The following MYT1L variants were observed in gnomAD, a reference collection of about 807,000 sequenced individuals.
MYT1L encodes the protein myelin transcription factor 1-like protein.
Under a neutral mutation model 126.7 loss-of-function variants are expected in MYT1L, and 12 were observed. That is an observed-to-expected ratio of 0.09 (90% confidence interval 0.06 to 0.15). The LOEUF (loss-of-function observed/expected upper bound fraction) is 0.15, where lower values mean the gene tolerates loss of function less well. Among genes scored for constraint, MYT1L ranks in the 10% least tolerant of loss-of-function variants. The probability of loss-of-function intolerance (pLI) is 1.00; values close to 1 mark genes in which losing one functional copy is unlikely to be tolerated. For missense variants in MYT1L, 979 were observed against 1,585.2 expected (o/e 0.62, Z 6.49); for synonymous variants, 541 against 604.2 (o/e 0.90, Z 1.53).
Position 1,912,856 on chromosome 2 carries a change from G to C in MYT1L, c.1619-746C>G, listed in dbSNP as rs1229457622. ...TTTTCCCAGCAGTGGTGTTGGACCT[G>C]AATTATTTGTGTCTTCCTTCTTTTC... On this transcript the variant is annotated intron_variant, in intron 11 of 24. Transcript: ENST00000647738. The surrounding 1 kb of genome is among the most constrained non-coding windows in gnomAD (Gnocchi z 4.3). Among the ~76,000 whole-genome samples, 2 of 152,126 alleles carry C rather than the reference G, an allele frequency of 1.3e-5. No homozygotes were observed. Among genetic ancestry groups the C allele is most frequent in the African/African-American group, 4.8e-5 (2 of 41,430 alleles).
chr2:1,809,272 C>A, intron 21 of MYT1L, 105 bp from the exon 22 acceptor site: 2 of 1,084,090 alleles, frequency 1.8e-6, no homozygotes, highest in South Asian at 1.3e-5. Flanking sequence ...AGGTTGGTTG[C>A]CAGCAAAAGG....
chr2:2,191,972 G>A (rs578031836), intron 2 of MYT1L, among the ~76,000 whole-genome samples: 1 of 152,366 alleles, frequency 6.6e-6, no homozygotes, highest in East Asian at 1.9e-4. Context: ...TGAGATGACA[G>A]ACTGCAGACG....
intron 2 of MYT1L, among the ~76,000 whole-genome samples, chr2:2,229,595 CT>C (rs987493693): frequency 6.3e-5 from 9 of 143,784 alleles, no homozygotes; most frequent in South Asian, 2.4e-4. Flanking sequence ...GTGGAGATTT[CT>C]TTTTTTTTCA....
In MYT1L at chr2:2,219,758, T is replaced by G. The variant is rs561227962; in HGVS notation, c.-420-46770A>C. ...AGGTCCTGTTCCAGCCAATGGAAAC[T>G]GGACACAGTAGTGAGGTGGATGCAT... On this transcript the variant is annotated intron_variant, in intron 2 of 24. Transcript: ENST00000647738. Among the ~76,000 whole-genome samples, 8 of 152,336 alleles carry G rather than the reference T, an allele frequency of 5.3e-5. No homozygotes were observed. In the South Asian group the frequency reaches 8.3e-4, roughly 16 times the overall value.
At chr2:2,315,145 G>C (rs960439200) in intron 1 of MYT1L, among the ~76,000 whole-genome samples, 24 of 152,266 alleles carry the variant, frequency 1.6e-4, no homozygotes, top group Non-Finnish European at 3.1e-4. Flanking sequence ...TGTGTCAACT[G>C]TCCCTGAAAA....
chr2:2,168,695 G>C (rs902711475), intron 3 of MYT1L, among the ~76,000 whole-genome samples: 4 of 152,150 alleles, frequency 2.6e-5, no homozygotes, highest in African/African-American at 7.2e-5. Context: ...AAAAGATGCT[G>C]ACATGGAGAG....
chr2:1,825,280 C>T (rs1475057313), intron 21 of MYT1L: 1 of 151,642 alleles, frequency 6.6e-6, no homozygotes, highest in Non-Finnish European at 1.5e-5. Context: ...CAAAGGTGCA[C>T]CTGGGATGAA....
intron 4 of MYT1L, among the ~76,000 whole-genome samples, chr2:2,015,523 C>A (rs1282947368): frequency 6.6e-6 from 1 of 152,156 alleles, no homozygotes; most frequent in East Asian, 1.9e-4. Context: ...TTTGGGCCTT[C>A]CAAGCAAAAC....
At chr2:2,176,225 TTAAA>T (rs2090751489) in intron 2 of MYT1L, among the ~76,000 whole-genome samples, 3 of 152,086 alleles carry the variant, frequency 2.0e-5, no homozygotes, top group Admixed American at 6.6e-5. Context: ...AATCAAATAA[TTAAA>T]TAAATAGGGA....
chr2:2,260,977 G>A (rs984649268), intron 2 of MYT1L, among the ~76,000 whole-genome samples: 2 of 152,196 alleles, frequency 1.3e-5, no homozygotes, highest in Non-Finnish European at 2.9e-5. Flanking sequence ...GCCTGTCCTT[G>A]ATACTTTGTT....
chr2:1,972,767 G>A (rs1451452134), intron 8 of MYT1L, among the ~76,000 whole-genome samples: 3 of 152,270 alleles, frequency 2.0e-5, no homozygotes, highest in African/African-American at 4.8e-5. Context: ...CGTGCGGAAT[G>A]GAGAGGGGGT....
At chr2:2,071,137 AAT>A (rs1334934737) in intron 3 of MYT1L, among the ~76,000 whole-genome samples, 1 of 152,216 alleles carries the variant, frequency 6.6e-6, no homozygotes, top group Non-Finnish European at 1.5e-5. Flanking sequence ...GGAAATAAAA[AAT>A]GTTAATATGT....
intron 3 of MYT1L, among the ~76,000 whole-genome samples, chr2:2,090,113 C>G (rs1036966959): frequency 6.6e-6 from 1 of 152,178 alleles, no homozygotes; most frequent in African/African-American, 2.4e-5. Context: ...TCAGAGCAAA[C>G]AGAAATGAAG....
chr2:2,197,546 TATAC>T (rs773005378), intron 2 of MYT1L, among the ~76,000 whole-genome samples: 3 of 151,490 alleles, frequency 2.0e-5, no homozygotes, highest in Non-Finnish European at 4.4e-5. Flanking sequence ...TACACCCATA[TATAC>T]ATACATACAT....
chr2:2,229,154 A>G (rs2094098099), intron 2 of MYT1L, among the ~76,000 whole-genome samples: 1 of 152,248 alleles, frequency 6.6e-6, no homozygotes, highest in African/African-American at 2.4e-5. Context: ...TATTTAACAT[A>G]ACTATCTTCT....
At chr2:1,884,571 T>C (rs1282127677) in intron 18 of MYT1L, among the ~76,000 whole-genome samples, 2 of 152,240 alleles carry the variant, frequency 1.3e-5, no homozygotes, top group Non-Finnish European at 2.9e-5. Flanking sequence ...TTAGTGTTTT[T>C]ATAGAAGATG....
chr2:1,841,721 T>G (rs547780987), intron 19 of MYT1L: 1 of 152,170 alleles, frequency 6.6e-6, no homozygotes, highest in East Asian at 1.9e-4. Context: ...GGGGTGAACA[T>G]GGCAGAAAAA....
intron 18 of MYT1L, among the ~76,000 whole-genome samples, chr2:1,875,576 G>A (rs2046805908): frequency 6.6e-6 from 1 of 152,190 alleles, no homozygotes; most frequent in Admixed American, 6.5e-5. Flanking sequence ...AGGAGAAGGC[G>A]AGTGCCTCAG....
At position 2,192,769 on chromosome 2, in the gene MYT1L, G is replaced by A. The variant is rs114064868; in HGVS notation, c.-420-19781C>T. Among the ~76,000 whole-genome samples, 597 of 152,264 alleles carry A rather than the reference G, an allele frequency of 3.9e-3. 2 individuals are homozygous for A. The highest frequency in any genetic ancestry group is 0.014 in the African/African-American group (578 of 41,556). On this transcript the variant is annotated intron_variant, in intron 2 of 24. Transcript: ENST00000647738. The stretch of plus-strand genomic sequence containing the variant: ...GGGAGGACTGCAATTGGGGGACGGT[G>A]ATGGGAGCAGAGGCTGGGATTCACC...
Sources: gnomAD v4.1 joint callset for allele counts (sites outside exome capture counted in the v4.1 genomes callset) on GRCh38, gnomAD v4.1.1 for gene constraint, Gnocchi (gnomAD v3.1) non-coding constraint, MANE v1.5 for transcripts, NCBI Gene and HGNC (gene_info 2026-07-23, HGNC 2026-07-21) for gene names.